NTM: variants seen among roughly 807,000 people sequenced by gnomAD.
NTM encodes the protein neurotrimin, also known as IgLON family member 2.
In NTM, 13 loss-of-function variants were observed where a neutral mutation model predicts 42.1. That is an observed-to-expected ratio of 0.31 (90% CI 0.20 to 0.49). The LOEUF (loss-of-function observed/expected upper bound fraction) is 0.49, where lower values mean the gene tolerates loss of function less well. Among genes scored for constraint, NTM ranks in the 20% least tolerant of loss-of-function variants. The pLI is 0.99. For synonymous variants in NTM, 187 were observed against 179.2 expected, an observed-to-expected ratio of 1.04 and a Z score of -0.35; for missense variants, 373 against 452.8, an observed-to-expected ratio of 0.82 and a Z score of 1.60.
intron 1 of NTM, among the ~76,000 whole-genome samples, chr11:131,405,871 G>T (rs915568529): frequency 9.2e-5 from 14 of 152,142 alleles, no homozygotes; most frequent in Non-Finnish European, 1.9e-4. Context: ...TGCCAAGTTT[G>T]GTCTTACTTC....
At chr11:131,843,889 TA>T (rs2044595392) in intron 1 of NTM, among the ~76,000 whole-genome samples, 1 of 149,180 alleles carries the variant, frequency 6.7e-6, no homozygotes, top group Admixed American at 6.7e-5. Flanking sequence ...GTTGGGATTT[TA>T]TTCTCTTTTT....
At chr11:132,288,220 G>A (rs2094323117) in intron 4 of NTM, among the ~76,000 whole-genome samples, 1 of 152,142 alleles carries the variant, frequency 6.6e-6, no homozygotes, top group African/African-American at 2.4e-5. Context: ...AAAGCCAAGT[G>A]CCATGGAAGC....
chr11:131,901,886 C>T (rs541480711), intron 1 of NTM, among the ~76,000 whole-genome samples: 18 of 152,330 alleles, frequency 1.2e-4, no homozygotes, highest in East Asian at 1.2e-3. Flanking sequence ...TTCTTTCTCA[C>T]GACCTGCAGT....
intron 1 of NTM, among the ~76,000 whole-genome samples, chr11:131,595,350 G>C (rs1191615453): frequency 6.6e-6 from 1 of 152,136 alleles, no homozygotes; most frequent in African/African-American, 2.4e-5. Context: ...CATTCAAGAG[G>C]GCTGAGCAGT....
chr11:131,882,434 G>A (rs1012744056), intron 1 of NTM, among the ~76,000 whole-genome samples: 1 of 152,164 alleles, frequency 6.6e-6, no homozygotes, highest in African/African-American at 2.4e-5. Context: ...TTTACTGACA[G>A]TTCATGGATT....
chr11:131,554,867 G>T (rs774674073), intron 1 of NTM, among the ~76,000 whole-genome samples: 1 of 152,134 alleles, frequency 6.6e-6, no homozygotes, highest in African/African-American at 2.4e-5. Flanking sequence ...GCTCCTGAGT[G>T]GGGGATGGAG....
chr11:132,309,642 T>C (rs980204295), intron 5 of NTM, among the ~76,000 whole-genome samples: 2 of 152,218 alleles, frequency 1.3e-5, no homozygotes, highest in African/African-American at 4.8e-5. Context: ...AGCTTTTTCT[T>C]AGAGCGGCAT....
At chr11:131,641,889 GTTAAT>G (rs1437074789) in intron 1 of NTM, among the ~76,000 whole-genome samples, 7 of 152,012 alleles carry the variant, frequency 4.6e-5, no homozygotes, top group Non-Finnish European at 1.0e-4. Context: ...ACCACGCTCA[GTTAAT>G]TTTTGTATTT....
chr11:131,662,577 G>A (rs958223684), intron 1 of NTM, among the ~76,000 whole-genome samples: 1 of 152,138 alleles, frequency 6.6e-6, no homozygotes, highest in African/African-American at 2.4e-5. Context: ...TCTCAGCCAC[G>A]TGGCTTCCTG....
intron 1 of NTM, among the ~76,000 whole-genome samples, chr11:131,824,430 G>A (rs1324098567): frequency 6.6e-6 from 1 of 152,134 alleles, no homozygotes; most frequent in African/African-American, 2.4e-5. Flanking sequence ...GGGTCACAGT[G>A]TACAAGATGG....
chr11:132,125,027 T>A (rs868086816), intron 2 of NTM, among the ~76,000 whole-genome samples: 3 of 152,182 alleles, frequency 2.0e-5, no homozygotes, highest in Middle Eastern at 3.4e-3. Context: ...GTTCTACAGG[T>A]GGGCCTGATT....
intron 1 of NTM, among the ~76,000 whole-genome samples, chr11:131,487,975 A>C (rs1954364946): frequency 6.6e-6 from 1 of 152,174 alleles, no homozygotes; most frequent in Non-Finnish European, 1.5e-5. Context: ...CCTGGCACAG[A>C]CCAGAGCTGG....
At position 132,314,628 on chromosome 11, in the gene NTM, G is replaced by A; in HGVS notation, c.859G>A (p.Glu287Lys). 1 of 1,613,948 alleles carries A rather than the reference G, an allele frequency of 6.2e-7. No homozygotes were observed. Among genetic ancestry groups the A allele is most frequent in the Non-Finnish European group, 8.5e-7 (1 of 1,179,908 alleles). ...AAAACTCATCTTCTTCAATGTCTCT[G>A]AACATGACTATGGGAACTACACTTG... ...LSKLIFFNVSEHDYGNYTCVA... is the reference protein window; with the variant it reads ...LSKLIFFNVSKHDYGNYTCVA... Residue 287 changes from glutamate to lysine, a missense_variant, in exon 7 of 9, where the codon GAA becomes AAA. Glu to Lys is a moderately conservative substitution (Grantham distance 56). Transcript: ENST00000683400.
At chr11:132,189,571 C>G (rs2078965562) in intron 3 of NTM, among the ~76,000 whole-genome samples, 1 of 152,132 alleles carries the variant, frequency 6.6e-6, no homozygotes, top group Non-Finnish European at 1.5e-5. Flanking sequence ...GACACTCTCT[C>G]TAGCTTCATG....
At chr11:131,434,237 G>A (rs1017429480) in intron 1 of NTM, among the ~76,000 whole-genome samples, 8 of 152,150 alleles carry the variant, frequency 5.3e-5, no homozygotes, top group Admixed American at 6.5e-5. Context: ...GAATAGTGCC[G>A]CAGTAAACAT....
intron 1 of NTM, among the ~76,000 whole-genome samples, chr11:131,784,746 G>A (rs60463891): frequency 0.027 from 4,084 of 152,224 alleles, 180 homozygotes; most frequent in African/African-American, 0.092. Context: ...TTAAGTGGTC[G>A]CATTTTATCA....
At chr11:132,263,690 A>G (rs937964327) in intron 4 of NTM, among the ~76,000 whole-genome samples, 2 of 152,116 alleles carry the variant, frequency 1.3e-5, no homozygotes, top group Non-Finnish European at 2.9e-5. Context: ...GCTCCCTCAA[A>G]CACATTGCTT....
intron 2 of NTM, among the ~76,000 whole-genome samples, chr11:131,951,149 C>T (rs1199777585): frequency 6.6e-6 from 1 of 151,982 alleles, no homozygotes; most frequent in Non-Finnish European, 1.5e-5. Context: ...AGTATGGTAC[C>T]GTGAAAATCA....
chr11:132,094,050 C>T (rs895131981), intron 2 of NTM, among the ~76,000 whole-genome samples: 6 of 152,160 alleles, frequency 3.9e-5, no homozygotes, highest in Non-Finnish European at 5.9e-5. Flanking sequence ...GGTTTGGTTA[C>T]AGCTCAGCGT....
Sources: allele counts gnomAD v4.1 joint callset (sites outside exome capture counted in the v4.1 genomes callset), GRCh38; gene constraint gnomAD v4.1.1; transcripts MANE v1.5; gene names NCBI Gene and HGNC (gene_info 2026-07-23, HGNC 2026-07-21).